Variants in EXOG observed in about 807,000 individuals in gnomAD.
The protein encoded by EXOG is nuclease EXOG, mitochondrial.
EXOG carries 27 observed loss-of-function variants against 25.8 expected under a neutral mutation model. The observed-to-expected ratio is 1.05, with a 90% CI of 0.77 to 1.45. EXOG has a LOEUF of 1.45. Ranked by LOEUF, EXOG falls within the 40% of genes most tolerant of loss-of-function variation. EXOG has a pLI of 0.00. For synonymous variants in EXOG, 133 were observed against 167.0 expected, an observed-to-expected ratio of 0.80 and a Z score of 1.57; for missense variants, 458 against 450.5, an observed-to-expected ratio of 1.02 and a Z score of -0.15.
chr3:38,512,793 A>G (rs2060412481), intron 5 of EXOG, among the ~76,000 whole-genome samples: 1 of 152,052 alleles, frequency 6.6e-6, no homozygotes, highest in African/African-American at 2.4e-5. Flanking sequence ...GTATATATAT[A>G]TATATTTTTA....
chr3:38,497,289 C>T lies in EXOG; in HGVS notation c.164-340C>T, dbSNP rs555079167. 5.8e-6 allele frequency: 6 copies of T among 1,038,410 alleles called. No individual in the cohort carries two copies. The Admixed American group carries it at 1.6e-4, about 28-fold the overall frequency. The allele number at this position is 1,038,410 out of a possible 1,614,324, so 64.3% of individuals were successfully genotyped here. On this transcript the variant is annotated intron_variant, in intron 1 of 5. Transcript: ENST00000287675. ...ACTAGGAAAAACAGTACCAGTTTTA[C>T]TGTCATCTTGCAACAGCACACATAT... is the stretch of plus-strand genomic sequence containing the variant.
Position 38,503,651 on chromosome 3 carries a change from G to T in EXOG, c.490G>T (p.Val164Leu). 1.2e-6 allele frequency: 2 copies of T among 1,607,740 alleles called. No homozygotes were observed. Among genetic ancestry groups the T allele is most frequent in the Non-Finnish European group, 8.5e-7 (1 of 1,174,890 alleles). The change falls in exon 4 of 6, where the codon GTG (valine) becomes TTG (leucine). Residue 164 changes from valine (V) to leucine (L), a missense_variant. By Grantham distance (32) the Val-to-Leu change is conservative. This residue lies in a region of EXOG where 275 missense variants were observed against 230.5 expected (regional missense o/e 1.19). Coordinates refer to ENST00000287675, the MANE Select transcript of EXOG (RefSeq NM_005107.4). ...MAETFYLSNIVPQDFDNNSGY... is the reference protein window; with the variant it reads ...MAETFYLSNILPQDFDNNSGY... ...TGAAACCTTTTACCTTTCTAACATT[G>T]TGCCTCAGGATTTTGATAATAATTC...
intron 1 of EXOG, chr3:38,497,184 G>T (rs1575602038): frequency 9.9e-7 from 1 of 1,008,024 alleles, no homozygotes; most frequent in Non-Finnish European, 1.2e-6. Flanking sequence ...TACCCCCTTG[G>T]GGGGTTGAGG....
chr3:38,516,566 T>C (rs2060549675), intron 5 of EXOG, among the ~76,000 whole-genome samples: 1 of 152,208 alleles, frequency 6.6e-6, no homozygotes, highest in African/African-American at 2.4e-5. Context: ...CCTTTCCTCC[T>C]AAGCATTCTG....
At chr3:38,519,148 ACAT>A (rs963042452) in intron 5 of EXOG, 5 of 152,252 alleles carry the variant, frequency 3.3e-5, no homozygotes, top group Admixed American at 1.3e-4. Context: ...GGAAAGGATC[ACAT>A]CATCATAGAA....
intron 2 of EXOG, among the ~76,000 whole-genome samples, chr3:38,499,169 C>T (rs1238418071): frequency 6.6e-6 from 1 of 152,038 alleles, no homozygotes; most frequent in Non-Finnish European, 1.5e-5. Flanking sequence ...AGGATATTAC[C>T]TTTTGTCACA....
At chr3:38,500,328 A>G (rs2060010547) in intron 2 of EXOG, among the ~76,000 whole-genome samples, 1 of 152,204 alleles carries the variant, frequency 6.6e-6, no homozygotes, top group Non-Finnish European at 1.5e-5. Flanking sequence ...CAAGGAAGGT[A>G]TCTTTTTAGG....
chr3:38,525,712 G>A lies in EXOG; in HGVS notation c.*1350G>A, dbSNP rs2060852601. ...AATCTCAGCACTTTGGGAAATCGAG[G>A]TGGGTGGATCGCTTGAGCCCAGGAG... is the stretch of plus-strand genomic sequence containing the variant. On this transcript the variant is annotated 3_prime_UTR_variant, in exon 6 of 6. Coordinates refer to ENST00000287675, the MANE Select transcript of EXOG (RefSeq NM_005107.4). 1.2e-6 allele frequency: 1 copy of A among 822,920 alleles called. No individual in the cohort carries two copies. Among genetic ancestry groups the A allele is most frequent in the Non-Finnish European group, 1.5e-6 (1 of 681,692 alleles). 51.0% of individuals were successfully genotyped at this position (822,920 alleles called of 1,614,324 possible).
rs772146422 is a variant in EXOG, at chr3:38,506,896, T to A, written c.573T>A (p.Asp191Glu). Residue 191 changes from aspartate to glutamate, a missense_variant, in exon 5 of 6, where the codon GAT becomes GAA. Coordinates refer to ENST00000287675, the MANE Select transcript of EXOG (RefSeq NM_005107.4). ...GAGAGCTGACAGAAAGGTTTGAAGATGTTTGGGTGGTATCTGGGCCTTTGA... is the reference window on the plus strand; with the variant it reads ...GAGAGCTGACAGAAAGGTTTGAAGAAGTTTGGGTGGTATCTGGGCCTTTGA... ...YCRELTERFEDVWVVSGPLTL... is the reference protein window; with the variant it reads ...YCRELTERFEEVWVVSGPLTL... The A allele has an allele frequency of 6.2e-7, 1 of 1,606,360 alleles. No homozygotes were observed. Among genetic ancestry groups the A allele is most frequent in the South Asian group, 1.1e-5 (1 of 90,876 alleles).
rs9869415 is a variant in EXOG at position 38,516,489 on chromosome 3, C to A, written c.646-7412C>A. 2.4e-3 allele frequency among the ~76,000 whole-genome samples: 363 copies of A among 152,272 alleles called. 1 individual carries two copies. Among genetic ancestry groups the A allele is most frequent in the African/African-American group, 8.5e-3 (353 of 41,554 alleles). On this transcript the variant is annotated intron_variant, in intron 5 of 5. Transcript: ENST00000287675. ...AACATTTTGCCACATTTATGCTCCC[C>A]CATATAGATAGGCATACACCTGTTT... is the stretch of plus-strand genomic sequence containing the variant.
At chr3:38,496,718 C>T (rs1213833447) in intron 1 of EXOG, 188 bp downstream of exon 1, 6 of 1,448,206 alleles carry the variant, frequency 4.1e-6, no homozygotes, top group Non-Finnish European at 4.5e-6. Flanking sequence ...CGCCAGCTTC[C>T]CTCATGTCCT....
intron 2 of EXOG, chr3:38,499,699 G>T (rs1333790125): frequency 4.4e-6 from 2 of 453,988 alleles, no homozygotes; most frequent in African/African-American, 4.0e-5. Context: ...TGAATTTCTG[G>T]GTTCAAGTGA....
In EXOG at chr3:38,506,837, T is replaced by G. The variant is rs1462661408; in HGVS notation, c.531-17T>G. 1.6e-6 allele frequency: 2 copies of G among 1,269,208 alleles called. No individual in the cohort carries two copies. The highest frequency in any genetic ancestry group is 2.3e-5 in the East Asian group (1 of 42,818). 78.6% of individuals were successfully genotyped at this position (1,269,208 alleles called of 1,614,324 possible). A position where few individuals can be genotyped will look rare whatever the true frequency, so the allele number is the denominator to read the frequency against. On this transcript the variant is annotated splice_polypyrimidine_tract_variant and intron_variant, in intron 4 of 5. Transcript: ENST00000287675. ...ATATATGTGAGAATATCATACATTT[T>G]TTTATTTGTTTTTCAGAATAGAAAT...
Position 38,497,731 on chromosome 3 carries a change from G to C in EXOG, c.266G>C (p.Arg89Pro). The change falls in exon 2 of 6, where the codon CGG (arginine) becomes CCG (proline). Residue 89 changes from arginine (R) to proline (P), a missense_variant. Arg to Pro is a moderately radical substitution (Grantham distance 103, BLOSUM62 -2). Transcript: ENST00000287675. ...NHALSYDQAKRVPRWVLEHIS... is the reference protein window; with the variant it reads ...NHALSYDQAKPVPRWVLEHIS... ...GCTTTGTCTTATGATCAGGCAAAGC[G>C]GGTGCCTAGATGGGTTCTTGAACAT... 6.2e-7 allele frequency: 1 copy of C among 1,608,488 alleles called. No homozygotes were observed.
intron 4 of EXOG, among the ~76,000 whole-genome samples, chr3:38,504,475 G>A (rs966566192): frequency 1.4e-4 from 22 of 151,742 alleles, no homozygotes; most frequent in African/African-American, 4.6e-4. Flanking sequence ...TCACACTGTC[G>A]CCCGGGCTGG....
intron 5 of EXOG, among the ~76,000 whole-genome samples, chr3:38,518,382 A>G (rs755208008): frequency 6.6e-5 from 10 of 152,334 alleles, no homozygotes; most frequent in Middle Eastern, 3.4e-3. Context: ...AAACAAATAT[A>G]GATAAAATGA....
intron 5 of EXOG, among the ~76,000 whole-genome samples, chr3:38,510,974 G>A (rs879561526): frequency 3.9e-5 from 6 of 152,056 alleles, no homozygotes; most frequent in Non-Finnish European, 7.4e-5. Flanking sequence ...CATATCATTA[G>A]TTTTCCATGT....
At chr3:38,501,535 T>C (rs1360708034) in intron 3 of EXOG, 41 bp downstream of exon 3, 2 of 1,586,794 alleles carry the variant, frequency 1.3e-6, no homozygotes, top group Non-Finnish European at 1.7e-6. Flanking sequence ...ATGGGGCTGA[T>C]GTTATGCATA....
At chr3:38,511,327 A>G (rs945781811) in intron 5 of EXOG, among the ~76,000 whole-genome samples, 1 of 152,146 alleles carries the variant, frequency 6.6e-6, no homozygotes, top group African/African-American at 2.4e-5. Flanking sequence ...CTACCAGTCT[A>G]TCTGGAGTAC....
Sources: allele counts gnomAD v4.1 joint callset (sites outside exome capture counted in the v4.1 genomes callset), GRCh38; gene constraint gnomAD v4.1.1; regional missense constraint gnomAD v4.1.1; transcripts MANE v1.5; gene names NCBI Gene and HGNC (gene_info 2026-07-23, HGNC 2026-07-21).